GLO1: variants seen among roughly 807,000 people sequenced by gnomAD.
GLO1 encodes glyoxalase I.
Under a neutral mutation model 26.0 loss-of-function variants are expected in GLO1, and 28 were observed. The observed-to-expected ratio is 1.08, with a 90% CI of 0.80 to 1.48. The LOEUF (loss-of-function observed/expected upper bound fraction) is 1.48. Ranked by LOEUF, GLO1 falls within the 40% of genes most tolerant of loss-of-function variation. The pLI, the probability that GLO1 is intolerant of heterozygous loss-of-function variation, is 0.00. For missense variants in GLO1, 225 were observed against 224.8 expected (o/e 1.00, Z -0.01); for synonymous variants, 78 against 77.6 (o/e 1.00, Z -0.03).
chr6:38,690,751 C>A (rs1781719), intron 1 of GLO1, among the ~76,000 whole-genome samples: 1 of 151,898 alleles, frequency 6.6e-6, no homozygotes, highest in Non-Finnish European at 1.5e-5. Flanking sequence ...ATATATTCAA[C>A]GTTAGTGAAT....
intron 5 of GLO1, among the ~76,000 whole-genome samples, chr6:38,681,315 G>A (rs1466027987): frequency 6.6e-6 from 1 of 152,144 alleles, no homozygotes; most frequent in African/African-American, 2.4e-5. Flanking sequence ...GCCCGCCTTG[G>A]CCTCCCAAAG....
rs1308361336 is a variant in GLO1, at chr6:38,676,317, T to C, written c.*978A>G. On this transcript the variant is annotated 3_prime_UTR_variant, in exon 6 of 6. Transcript: ENST00000373365. ...ACCTTGGGATAGGGAAGACTCTTTA[T>C]GAGAAATATAAACATCACTTGTGTA... 2 of 152,172 alleles carry C rather than the reference T, an allele frequency of 1.3e-5. No homozygotes were observed. The highest frequency in any genetic ancestry group is 1.5e-5 in the Non-Finnish European group (1 of 68,036). The allele number at this position is 152,172 out of a possible 1,614,324, so 9.4% of individuals were successfully genotyped here.
intron 5 of GLO1, among the ~76,000 whole-genome samples, chr6:38,680,034 T>C (rs34971977): frequency 0.081 from 12,302 of 152,158 alleles, 657 homozygotes; most frequent in Middle Eastern, 0.18. Flanking sequence ...AAAAAGCTTC[T>C]AGAATAAAAC....
chr6:38,693,681 CTCTCTATA>C (rs768214058), intron 1 of GLO1, among the ~76,000 whole-genome samples: 9,929 of 94,112 alleles, frequency 0.11, 483 homozygotes, highest in Non-Finnish European at 0.16. Flanking sequence ...CTCTCTCTCT[CTCTCTATA>C]TATATATATA....
intron 4 of GLO1, among the ~76,000 whole-genome samples, chr6:38,682,450 C>T (rs16890922): frequency 0.022 from 3,378 of 152,076 alleles, 138 homozygotes; most frequent in African/African-American, 0.076. Context: ...CCAGCTGAAG[C>T]CTGCAATACT....
Position 38,682,831 on chromosome 6 carries a change from C to T in GLO1, c.353G>A (p.Gly118Asp). 1.2e-6 allele frequency: 2 copies of T among 1,604,174 alleles called. No individual in the cohort carries two copies. The highest frequency in any genetic ancestry group is 1.1e-5 in the South Asian group (1 of 90,884). Residue 118 changes from glycine (G) to aspartate (D), a missense_variant, in exon 4 of 6, where the codon GGC (glycine) becomes GAC (aspartate). By Grantham distance (94) the Gly-to-Asp change is moderately conservative. Transcript: ENST00000373365. ...EDDETQSYHN[G>D]NSDPRGFGHI... ...ACCGAATCCTCGAGGGTCTGAATTG[C>T]CATTGTGGTAACTCTGGGTCTCATC...
At chr6:38,678,414 A>G (rs200556886) in intron 5 of GLO1, among the ~76,000 whole-genome samples, 4 of 139,758 alleles carry the variant, frequency 2.9e-5, no homozygotes, top group East Asian at 2.2e-4. Flanking sequence ...GAAAAGGAAA[A>G]GAAAAGAAAA....
intron 1 of GLO1, among the ~76,000 whole-genome samples, chr6:38,694,344 GT>G (rs1761578179): frequency 1.3e-5 from 2 of 152,204 alleles, no homozygotes; most frequent in Non-Finnish European, 2.9e-5. Context: ...GAGTTCTTCT[GT>G]TTCCTTGTTA....
Position 38,697,120 on chromosome 6 carries a change from G to A in GLO1, c.84+5851C>T, listed in dbSNP as rs372607282. ...AGTAGACACAGGGTTTCACCATGTT[G>A]GTTAGGCTGGTCTCGAACTCCTGAC... On this transcript the variant is annotated intron_variant, in intron 1 of 5. Transcript: ENST00000373365. Among the ~76,000 whole-genome samples the A allele has an allele frequency of 1.6e-4, 25 of 152,188 alleles. 1 individual carries two copies. The highest frequency in any genetic ancestry group is 5.5e-4 in the African/African-American group (23 of 41,540).
chr6:38,697,202 C>T (rs373921782), intron 1 of GLO1, among the ~76,000 whole-genome samples: 15 of 152,280 alleles, frequency 9.9e-5, no homozygotes, highest in African/African-American at 2.9e-4. Context: ...CGTGAGCCAC[C>T]GGGCCTGGCC....
chr6:38,687,975 C>T (rs1761479612), intron 1 of GLO1, among the ~76,000 whole-genome samples: 1 of 151,868 alleles, frequency 6.6e-6, no homozygotes, highest in African/African-American at 2.4e-5. Context: ...GAGCCACATG[C>T]CATCTTTCTC....
Position 38,677,218 on chromosome 6 carries a change from G to A in GLO1, c.*77C>T, listed in dbSNP as rs923734769. On this transcript the variant is annotated 3_prime_UTR_variant, in exon 6 of 6. Coordinates refer to ENST00000373365, the MANE Select transcript of GLO1 (RefSeq NM_006708.3). Reference sequence around the variant, plus strand: ...TCGGGACAGTGATCCATCAGTCCTAGATGCTTCTGGTATGTAAATATCTTG... The same window carrying A: ...TCGGGACAGTGATCCATCAGTCCTAAATGCTTCTGGTATGTAAATATCTTG... 1 of 787,970 alleles carries A rather than the reference G, an allele frequency of 1.3e-6. No homozygotes were observed. The highest frequency in any genetic ancestry group is 1.8e-5 in the Admixed American group (1 of 55,960). The allele number at this position is 787,970 out of a possible 1,614,324, so 48.8% of individuals were successfully genotyped here.
At chr6:38,687,188 C>A in intron 1 of GLO1, 2 of 705,296 alleles carry the variant, frequency 2.8e-6, no homozygotes, top group Non-Finnish European at 3.5e-6. Flanking sequence ...GACCTTCAAC[C>A]AATGGTCGAT....
chr6:38,689,587 T>C (rs1168211905), intron 1 of GLO1, among the ~76,000 whole-genome samples: 4 of 152,204 alleles, frequency 2.6e-5, no homozygotes, highest in African/African-American at 9.6e-5. Context: ...TTCTATCCCA[T>C]AGTCTATCAT....
At chr6:38,681,219 T>C (rs895511690) in intron 5 of GLO1, among the ~76,000 whole-genome samples, 4 of 152,200 alleles carry the variant, frequency 2.6e-5, no homozygotes, top group East Asian at 1.9e-4. Flanking sequence ...CCCACCACCA[T>C]GCCTGGCTAA....
chr6:38,702,938 T>TG, intron 1 of GLO1, 33 bp downstream of exon 1: 2 of 1,215,058 alleles, frequency 1.6e-6, no homozygotes, highest in Non-Finnish European at 2.4e-6. Context: ...CCAGCGGAGC[T>TG]GGGGGAGCCG....
intron 2 of GLO1, among the ~76,000 whole-genome samples, chr6:38,686,644 C>A (rs1176417404): frequency 6.6e-6 from 1 of 152,170 alleles, no homozygotes; most frequent in Non-Finnish European, 1.5e-5. Context: ...TAGCTGGGAG[C>A]GCTCAGAGAA....
intron 1 of GLO1, among the ~76,000 whole-genome samples, chr6:38,689,653 A>G (rs1761505000): frequency 6.6e-6 from 1 of 151,640 alleles, no homozygotes; most frequent in Non-Finnish European, 1.5e-5. Context: ...GTCCTCAAGA[A>G]TTCATATTCT....
chr6:38,695,637 C>CA (rs1761599827), intron 1 of GLO1, among the ~76,000 whole-genome samples: 1 of 152,058 alleles, frequency 6.6e-6, no homozygotes, highest in Non-Finnish European at 1.5e-5. Context: ...ATCACCTTGG[C>CA]AGGGGAAGGC....
Sources: allele counts gnomAD v4.1 joint callset (sites outside exome capture counted in the v4.1 genomes callset), GRCh38; gene constraint gnomAD v4.1.1; transcripts MANE v1.5; gene names NCBI Gene and HGNC (gene_info 2026-07-23, HGNC 2026-07-21).